CDKAL1: variants seen among roughly 807,000 people sequenced by gnomAD.
CDKAL1 encodes threonylcarbamoyladenosine tRNA methylthiotransferase.
In CDKAL1, 32 loss-of-function variants were observed where a neutral mutation model predicts 68.2. The observed-to-expected ratio is 0.47, with a 90% CI of 0.35 to 0.63. The LOEUF is 0.63. Ranked by LOEUF, CDKAL1 falls within the 30% of genes least tolerant of loss-of-function variation. The pLI is 0.00. For synonymous variants in CDKAL1, 234 were observed against 244.3 expected (o/e 0.96, Z 0.39); for missense variants, 606 against 696.7 (o/e 0.87, Z 1.47).
Position 21,232,003 on chromosome 6 carries a change from G to GTTTTTTTTTTTTTTTTTTTT in CDKAL1, c.*969_*970insTTTTTTTTTTTTTTTTTTTT, listed in dbSNP as rs71530402. On this transcript the variant is annotated 3_prime_UTR_variant, in exon 16 of 16. Coordinates refer to ENST00000274695, the MANE Select transcript of CDKAL1 (RefSeq NM_017774.3). Reference sequence around the variant, plus strand: ...TTTGATCCATTGGGGTTTTTTTTTTGTTTTTGTTTTTTTTTTTTTTTGAGT... The same window carrying GTTTTTTTTTTTTTTTTTTTT: ...TTTGATCCATTGGGGTTTTTTTTTTGTTTTTTTTTTTTTTTTTTTTTTTTTGTTTTTTTTTTTTTTTGAGT... 5.3e-5 allele frequency: 4 copies of GTTTTTTTTTTTTTTTTTTTT among 76,088 alleles called. No homozygotes were observed. Among genetic ancestry groups the GTTTTTTTTTTTTTTTTTTTT allele is most frequent in the Non-Finnish European group, 1.3e-4 (4 of 31,906 alleles). 4.7% of individuals were successfully genotyped at this position (76,088 alleles called of 1,614,324 possible).
chr6:20,549,185 C>T (rs996262806), intron 4 of CDKAL1, among the ~76,000 whole-genome samples: 2 of 152,072 alleles, frequency 1.3e-5, no homozygotes, highest in Admixed American at 1.3e-4. Flanking sequence ...TCTTCTGTGA[C>T]CTTGACACTT....
intron 13 of CDKAL1, among the ~76,000 whole-genome samples, chr6:21,130,794 C>T (rs9465969): frequency 0.27 from 40,874 of 152,066 alleles, 6,196 homozygotes; most frequent in African/African-American, 0.42. Flanking sequence ...AAGGCAGACC[C>T]CTCCACAGCC....
At chr6:20,654,154 A>G (rs1036744461) in intron 5 of CDKAL1, among the ~76,000 whole-genome samples, 5 of 152,194 alleles carry the variant, frequency 3.3e-5, no homozygotes, top group Admixed American at 3.3e-4. Flanking sequence ...AAGTACTGGG[A>G]TTACAGGCGT....
At chr6:20,582,877 G>A (rs1293038248) in intron 4 of CDKAL1, among the ~76,000 whole-genome samples, 3 of 152,136 alleles carry the variant, frequency 2.0e-5, no homozygotes, top group African/African-American at 7.2e-5. Context: ...TGATTCAGAT[G>A]ATTGTTTCTG....
At chr6:21,083,480 G>A (rs1038485416) in intron 12 of CDKAL1, among the ~76,000 whole-genome samples, 1 of 152,076 alleles carries the variant, frequency 6.6e-6, no homozygotes, top group Non-Finnish European at 1.5e-5. Flanking sequence ...TAGATATTTT[G>A]CTGCTAAACA....
chr6:20,557,041 C>CAAAA (rs199509135), intron 4 of CDKAL1, among the ~76,000 whole-genome samples: 14 of 121,084 alleles, frequency 1.2e-4, no homozygotes, highest in Non-Finnish European at 1.6e-4. Context: ...GTCTCCATCT[C>CAAAA]AAAAAAAAAA....
intron 13 of CDKAL1, among the ~76,000 whole-genome samples, chr6:21,136,362 C>G (rs1775597879): frequency 6.6e-6 from 1 of 152,214 alleles, no homozygotes; most frequent in South Asian, 2.1e-4. Flanking sequence ...TCTTGACACA[C>G]TCTCAGGCTG....
At chr6:20,864,708 T>C (rs979549773) in intron 9 of CDKAL1, among the ~76,000 whole-genome samples, 34 of 152,296 alleles carry the variant, frequency 2.2e-4, no homozygotes, top group Admixed American at 1.3e-3. Context: ...TAAAATGGTA[T>C]TTCTCAAATT....
intron 5 of CDKAL1, among the ~76,000 whole-genome samples, chr6:20,662,946 A>C (rs1270673726): frequency 6.6e-6 from 1 of 152,198 alleles, no homozygotes; most frequent in African/African-American, 2.4e-5. Context: ...GTCCACAGTT[A>C]GGAAATTGCT....
chr6:20,725,588 C>G (rs1351742297), intron 5 of CDKAL1, among the ~76,000 whole-genome samples: 1 of 151,826 alleles, frequency 6.6e-6, no homozygotes, highest in Non-Finnish European at 1.5e-5. Flanking sequence ...AGTTCAAGAC[C>G]AGCCTGACCA....
intron 13 of CDKAL1, among the ~76,000 whole-genome samples, chr6:21,189,747 T>C (rs1270398400): frequency 6.6e-6 from 1 of 152,222 alleles, no homozygotes; most frequent in African/African-American, 2.4e-5. Context: ...GATATTAAAT[T>C]TTAATGTTAT....
At chr6:20,647,029 G>A (rs918077345) in intron 4 of CDKAL1, among the ~76,000 whole-genome samples, 3 of 152,206 alleles carry the variant, frequency 2.0e-5, no homozygotes, top group African/African-American at 7.2e-5. Flanking sequence ...ACAGGCGTGA[G>A]CACCTGCACC....
At chr6:20,888,719 C>T (rs375518511) in intron 9 of CDKAL1, among the ~76,000 whole-genome samples, 6 of 151,966 alleles carry the variant, frequency 3.9e-5, no homozygotes, top group South Asian at 2.1e-4. Flanking sequence ...TTTATGGCTG[C>T]GTAGAATTCC....
intron 9 of CDKAL1, among the ~76,000 whole-genome samples, chr6:20,928,253 A>C (rs1326792578): frequency 6.6e-6 from 1 of 152,214 alleles, no homozygotes; most frequent in Non-Finnish European, 1.5e-5. Flanking sequence ...GAGTCTCTTT[A>C]AACTTATATT....
intron 10 of CDKAL1, among the ~76,000 whole-genome samples, chr6:20,959,471 C>G (rs901574471): frequency 6.6e-5 from 10 of 151,914 alleles, no homozygotes; most frequent in African/African-American, 2.4e-4. Flanking sequence ...TGAGGACATT[C>G]AGGGTACTTA....
chr6:21,092,667 T>C (rs1174958562), intron 12 of CDKAL1, among the ~76,000 whole-genome samples: 1 of 145,142 alleles, frequency 6.9e-6, no homozygotes, highest in Non-Finnish European at 1.5e-5. Context: ...GCAAACAGAA[T>C]AGGAATGGAG....
intron 6 of CDKAL1, among the ~76,000 whole-genome samples, chr6:20,750,571 G>A (rs1773871696): frequency 6.6e-6 from 1 of 152,000 alleles, no homozygotes; most frequent in Non-Finnish European, 1.5e-5. Flanking sequence ...TTCATCAAGT[G>A]GACCACCTAT....
At chr6:21,138,227 ATGTGTGTGTCTGTG>A (rs1480763654) in intron 13 of CDKAL1, among the ~76,000 whole-genome samples, 2 of 48,658 alleles carry the variant, frequency 4.1e-5, no homozygotes, top group Non-Finnish European at 7.0e-5. Flanking sequence ...GTGTGTGTGT[ATGTGTGTGTCTGTG>A]TGTGTGTGTG....
At chr6:20,993,795 C>T (rs1293320022) in intron 10 of CDKAL1, among the ~76,000 whole-genome samples, 4 of 152,108 alleles carry the variant, frequency 2.6e-5, no homozygotes, top group African/African-American at 7.2e-5. Context: ...ATGATTATCA[C>T]TTTGTAAGAT....
Sources: gnomAD v4.1 joint callset for allele counts (sites outside exome capture counted in the v4.1 genomes callset) on GRCh38, gnomAD v4.1.1 for gene constraint, MANE v1.5 for transcripts, NCBI Gene and HGNC (gene_info 2026-07-23, HGNC 2026-07-21) for gene names.